The following DSE variants were observed in gnomAD, a reference collection of about 807,000 sequenced individuals.
DSE encodes dermatan sulfate epimerase, also known as dermatan-sulfate epimerase.
DSE carries 36 observed loss-of-function variants against 84.4 expected under a neutral mutation model. The observed-to-expected ratio is 0.43, with a 90% CI of 0.33 to 0.56. The LOEUF (loss-of-function observed/expected upper bound fraction) is 0.56. Ranked by LOEUF, DSE falls within the 20% of genes least tolerant of loss-of-function variation. The pLI, the probability that DSE is intolerant of heterozygous loss-of-function variation, is 0.06. For synonymous variants in DSE, 410 were observed against 430.1 expected (o/e 0.95, Z 0.58); for missense variants, 862 against 1,169.6 (o/e 0.74, Z 3.84).
intron 2 of DSE, among the ~76,000 whole-genome samples, chr6:116,357,186 T>A (rs1317674666): frequency 6.6e-6 from 1 of 152,170 alleles, no homozygotes; most frequent in Non-Finnish European, 1.5e-5. Flanking sequence ...GTTAGAAGGA[T>A]CAAGTGTTGA....
intron 2 of DSE, among the ~76,000 whole-genome samples, chr6:116,314,085 T>A (rs1185682215): frequency 6.6e-6 from 1 of 151,436 alleles, no homozygotes; most frequent in Non-Finnish European, 1.5e-5. Flanking sequence ...CTTTCCCCCA[T>A]TTTTTTTTCT....
intron 2 of DSE, among the ~76,000 whole-genome samples, chr6:116,344,022 G>A (rs1338177770): frequency 3.3e-5 from 5 of 152,292 alleles, no homozygotes; most frequent in African/African-American, 2.4e-5. Flanking sequence ...TGATCAAGTG[G>A]AAGAAAGGGT....
intron 2 of DSE, chr6:116,277,091 T>C (rs1773176783): frequency 6.6e-6 from 1 of 152,498 alleles, no homozygotes; most frequent in East Asian, 1.9e-4. Flanking sequence ...ATGTTCCCAA[T>C]TGAAATCAAA....
intron 2 of DSE, among the ~76,000 whole-genome samples, chr6:116,287,148 G>A (rs914666312): frequency 6.6e-6 from 1 of 151,974 alleles, no homozygotes; most frequent in Non-Finnish European, 1.5e-5. Context: ...TGCCTGGCTT[G>A]AATTAAAACT....
Position 116,444,209 on chromosome 6 carries a change from A to G in DSE, c.*6864A>G, listed in dbSNP as rs1241181762. On this transcript the variant is annotated 3_prime_UTR_variant, in exon 6 of 6. Transcript: ENST00000644252. ...GAGACGTGATTCTTTTGAAAGATTA[A>G]TTCACAGAATTTTTTATCACAGTTG... The G allele has an allele frequency of 6.6e-6, 1 of 152,318 alleles. No homozygotes were observed. Among genetic ancestry groups the G allele is most frequent in the African/African-American group, 2.4e-5 (1 of 41,542 alleles). The allele number at this position is 152,318 out of a possible 1,614,324, so 9.4% of individuals were successfully genotyped here.
At chr6:116,355,189 C>A (rs780329591) in intron 2 of DSE, among the ~76,000 whole-genome samples, 2 of 152,200 alleles carry the variant, frequency 1.3e-5, no homozygotes, top group Non-Finnish European at 2.9e-5. Flanking sequence ...AGTGGAATTG[C>A]TGGATGCAAA....
At chr6:116,422,196 T>C (rs1783136317) in intron 2 of DSE, among the ~76,000 whole-genome samples, 1 of 152,254 alleles carries the variant, frequency 6.6e-6, no homozygotes, top group Admixed American at 6.5e-5. Context: ...TTGACACATT[T>C]AATTATACAA....
In DSE at chr6:116,438,713, ACT is replaced by A. The variant is rs1405453087; in HGVS notation, c.*1370_*1371del. 1 of 152,188 alleles carries A rather than the reference ACT, an allele frequency of 6.6e-6. No individual in the cohort carries two copies. Among genetic ancestry groups the A allele is most frequent in the Non-Finnish European group, 1.5e-5 (1 of 68,016 alleles). 9.4% of individuals were successfully genotyped at this position (152,188 alleles called of 1,614,324 possible). On this transcript the variant is annotated 3_prime_UTR_variant, in exon 6 of 6. Coordinates refer to ENST00000644252, the MANE Select transcript of DSE (RefSeq NM_013352.4). Reference sequence around the variant, plus strand: ...AGCTCAAATTTTACAGTAAGGACACACTCACTGATTTATAGGTGTAAAGTAAC... The same window carrying A: ...AGCTCAAATTTTACAGTAAGGACACACACTGATTTATAGGTGTAAAGTAAC...
chr6:116,384,529 G>A (rs1031372639), intron 1 of DSE, among the ~76,000 whole-genome samples: 2 of 152,098 alleles, frequency 1.3e-5, no homozygotes, highest in Admixed American at 1.3e-4. Flanking sequence ...CCGTGATCAC[G>A]GCTCTCAGTA....
intron 2 of DSE, among the ~76,000 whole-genome samples, chr6:116,361,874 G>A (rs1263044184): frequency 6.6e-6 from 1 of 152,074 alleles, no homozygotes; most frequent in African/African-American, 2.4e-5. Context: ...TTAATGAAAA[G>A]GGACTCACAA....
intron 2 of DSE, among the ~76,000 whole-genome samples, chr6:116,301,882 G>A (rs186505157): frequency 9.9e-5 from 15 of 152,254 alleles, no homozygotes; most frequent in South Asian, 2.1e-4. Context: ...GAGAACATGC[G>A]GTGTTTGGTT....
intron 2 of DSE, among the ~76,000 whole-genome samples, chr6:116,290,034 C>T (rs1774179767): frequency 6.6e-6 from 1 of 152,048 alleles, no homozygotes; most frequent in South Asian, 2.1e-4. Context: ...CCCTCCATTA[C>T]ATAGGTAGTA....
intron 2 of DSE, among the ~76,000 whole-genome samples, chr6:116,297,841 A>G (rs1373871480): frequency 2.0e-5 from 3 of 152,192 alleles, no homozygotes; most frequent in Admixed American, 6.5e-5. Context: ...GTTGTGATCT[A>G]TGATCACTAG....
intron 2 of DSE, among the ~76,000 whole-genome samples, chr6:116,283,584 C>G (rs1773677591): frequency 6.6e-6 from 1 of 151,900 alleles, no homozygotes; most frequent in South Asian, 2.1e-4. Flanking sequence ...CACTCTGTCG[C>G]CCAGGCTGGA....
At position 116,392,178 on chromosome 6, in the gene DSE, A is replaced by C. The variant is rs180864533; in HGVS notation, c.-53-7020A>C. ...CTCTGAGAGTTAAATCCTAAAATGG[A>C]TCAGAGAAGGCAATGCAGCCCTGTC... On this transcript the variant is annotated intron_variant, in intron 1 of 5. Coordinates refer to ENST00000644252, the MANE Select transcript of DSE (RefSeq NM_013352.4). Among the ~76,000 whole-genome samples the C allele has an allele frequency of 3.0e-4, 46 of 152,302 alleles. 1 individual carries two copies. Among genetic ancestry groups the C allele is most frequent in the African/African-American group, 1.1e-3 (46 of 41,558 alleles).
intron 2 of DSE, among the ~76,000 whole-genome samples, chr6:116,302,416 T>C (rs965853572): frequency 1.3e-5 from 2 of 152,244 alleles, no homozygotes; most frequent in African/African-American, 4.8e-5. Context: ...ATATGTTTGT[T>C]GGCTGCATAA....
chr6:116,305,824 T>G (rs9400901), intron 2 of DSE, among the ~76,000 whole-genome samples: 36,817 of 151,994 alleles, frequency 0.24, 5,535 homozygotes, highest in East Asian at 0.64. Context: ...GTATTTTTAG[T>G]AGAGACAGCG....
intron 2 of DSE, chr6:116,279,808 T>C (rs748998888): frequency 6.2e-7 from 1 of 1,613,016 alleles, no homozygotes; most frequent in Non-Finnish European, 8.5e-7. Flanking sequence ...AGTGGTCCTC[T>C]TGACCCCATC....
intron 2 of DSE, among the ~76,000 whole-genome samples, chr6:116,407,288 A>G (rs754723076): frequency 6.6e-6 from 1 of 152,208 alleles, no homozygotes; most frequent in African/African-American, 2.4e-5. Flanking sequence ...CTGGTTGCAT[A>G]TTGATACTCA....
Sources: allele counts gnomAD v4.1 joint callset (sites outside exome capture counted in the v4.1 genomes callset), GRCh38; gene constraint gnomAD v4.1.1; transcripts MANE v1.5; gene names NCBI Gene and HGNC (gene_info 2026-07-23, HGNC 2026-07-21).